The following SIGLEC7 variants were observed in gnomAD, a reference collection of about 807,000 sequenced individuals.
The protein encoded by SIGLEC7 is sialic acid-binding Ig-like lectin 7.
In SIGLEC7, 33 loss-of-function variants were observed where a neutral mutation model predicts 40.8. The ratio of observed to expected loss-of-function variants is 0.81; its 90% CI spans 0.61 to 1.08. The LOEUF (loss-of-function observed/expected upper bound fraction) is 1.08, where lower values mean the gene tolerates loss of function less well. SIGLEC7 is among the 50% of genes least tolerant of loss of function. SIGLEC7 has a pLI of 0.00. For synonymous variants in SIGLEC7, 242 were observed against 237.6 expected (o/e 1.02, Z -0.17); for missense variants, 513 against 576.1 (o/e 0.89, Z 1.12).
intron 6 of SIGLEC7, 147 bp from the exon 7 acceptor site, chr19:51,152,916 C>T (rs974710719): frequency 3.5e-5 from 18 of 521,456 alleles, no homozygotes; most frequent in Non-Finnish European, 2.3e-5. Context: ...ATAAAATGAA[C>T]GTGGGATAGA....
chr19:51,150,992 C>T (rs1177285831), intron 6 of SIGLEC7, among the ~76,000 whole-genome samples: 1 of 152,114 alleles, frequency 6.6e-6, no homozygotes, highest in African/African-American at 2.4e-5. Flanking sequence ...AGCTGTAGAC[C>T]AGAAGAACAT....
At chr19:51,143,644 G>A (rs551195988) in intron 1 of SIGLEC7, among the ~76,000 whole-genome samples, 1 of 152,206 alleles carries the variant, frequency 6.6e-6, no homozygotes, top group East Asian at 1.9e-4. Flanking sequence ...GAGGTCTCCA[G>A]CTCCTCTCCA....
chr19:51,150,948 G>C (rs1185621518), intron 6 of SIGLEC7, among the ~76,000 whole-genome samples: 3 of 152,180 alleles, frequency 2.0e-5, no homozygotes, highest in Non-Finnish European at 4.4e-5. Context: ...AGAAGGACAT[G>C]ATCAGACGAG....
chr19:51,146,635 C>T (rs1298321442), intron 4 of SIGLEC7, 119 bp from the exon 5 acceptor site: 4 of 789,316 alleles, frequency 5.1e-6, no homozygotes, highest in Non-Finnish European at 8.3e-6. Context: ...CCCATTCTTG[C>T]CCTTTGTTTC....
chr19:51,146,255 C>G (rs1179104956), intron 4 of SIGLEC7, 134 bp downstream of exon 4: 1 of 1,183,924 alleles, frequency 8.4e-7, no homozygotes, highest in African/African-American at 1.5e-5. Flanking sequence ...TCCCTGCAAC[C>G]CAGGGCACTG....
At chr19:51,148,080 C>T (rs565544517) in intron 6 of SIGLEC7, among the ~76,000 whole-genome samples, 1 of 152,334 alleles carries the variant, frequency 6.6e-6, no homozygotes, top group African/African-American at 2.4e-5. Context: ...TCTTAAACAT[C>T]TACCTCTCTA....
At chr19:51,148,908 T>C (rs908146558) in intron 6 of SIGLEC7, among the ~76,000 whole-genome samples, 2 of 152,240 alleles carry the variant, frequency 1.3e-5, no homozygotes, top group African/African-American at 4.8e-5. Flanking sequence ...TATTTCATTG[T>C]GGTTCTGATT....
rs574159285 is a variant in SIGLEC7 at position 51,149,036 on chromosome 19, T to C, written c.1221+1719T>C. On this transcript the variant is annotated intron_variant, in intron 6 of 6. Transcript: ENST00000317643. ...GGGTTGTTTTTCTCTTGTAAATTTG[T>C]TTAAGTTCCTTATAGATGCTGGATA... 9.2e-4 allele frequency among the ~76,000 whole-genome samples: 140 copies of C among 152,370 alleles called. 1 individual carries two copies. Among genetic ancestry groups the C allele is most frequent in the African/African-American group, 2.8e-3 (118 of 41,590 alleles).
At chr19:51,148,071 C>T (rs1324335657) in intron 6 of SIGLEC7, among the ~76,000 whole-genome samples, 5 of 152,192 alleles carry the variant, frequency 3.3e-5, no homozygotes, top group African/African-American at 1.2e-4. Context: ...ATTCTCGTCT[C>T]TTAAACATCT....
At position 51,146,105 on chromosome 19, in the gene SIGLEC7, G is replaced by A; in HGVS notation, c.1011G>A (p.Leu337=). The A allele has an allele frequency of 6.2e-7, 1 of 1,614,158 alleles. No homozygotes were observed. Among genetic ancestry groups the A allele is most frequent in the Non-Finnish European group, 8.5e-7 (1 of 1,180,016 alleles). Reference sequence around the variant, plus strand: ...AGCACGTTTCCCTGAACCTCTCCCTGCAACAGGAGTACACAGGTGGGTAAG... The same window carrying A: ...AGCACGTTTCCCTGAACCTCTCCCTACAACAGGAGTACACAGGTGGGTAAG... ...GSQHVSLNLS[L]QQEYTGKMRP... Residue 337 remains leucine (L), a synonymous_variant, in exon 4 of 7, where the codon CTG becomes CTA. Transcript: ENST00000317643.
rs969413380 is a variant in SIGLEC7 at position 51,143,946 on chromosome 19, C to G, written c.434-460C>G. 6 of 471,154 alleles carry G rather than the reference C, an allele frequency of 1.3e-5. No homozygotes were observed. In the Middle Eastern group the frequency reaches 2.1e-3, roughly 166 times the overall value. The allele number at this position is 471,154 out of a possible 1,614,324, so 29.2% of individuals were successfully genotyped here. Reference sequence around the variant, plus strand: ...TAACCCTATTACAACTGAACTGACTCTAGCCCTGTCCATGGATGCTGGTTT... The same window carrying G: ...TAACCCTATTACAACTGAACTGACTGTAGCCCTGTCCATGGATGCTGGTTT... On this transcript the variant is annotated intron_variant, in intron 1 of 6. Coordinates refer to ENST00000317643, the MANE Select transcript of SIGLEC7 (RefSeq NM_014385.4).
chr19:51,143,492 G>A (rs1049802543), intron 1 of SIGLEC7, among the ~76,000 whole-genome samples: 2 of 152,160 alleles, frequency 1.3e-5, no homozygotes, highest in Admixed American at 6.5e-5. Context: ...AGGGAAGCCC[G>A]GAGGTAGGAG....
chr19:51,152,061 C>T (rs1437675793), intron 6 of SIGLEC7, among the ~76,000 whole-genome samples: 2 of 152,184 alleles, frequency 1.3e-5, no homozygotes, highest in Non-Finnish European at 2.9e-5. Flanking sequence ...AAGGTCACAA[C>T]CCCAAAATGG....
At chr19:51,149,425 C>CT (rs1004961148) in intron 6 of SIGLEC7, among the ~76,000 whole-genome samples, 6 of 152,026 alleles carry the variant, frequency 3.9e-5, no homozygotes, top group East Asian at 1.9e-4. Context: ...TTCCCCATTG[C>CT]TTTTTTTTGT....
In SIGLEC7 at chr19:51,144,650, G is replaced by A; in HGVS notation, c.678G>A (p.Val226=). Residue 226 remains valine, a synonymous_variant, in exon 2 of 7, where the codon GTG becomes GTA. Transcript: ENST00000317643. ...AGGTGACCTTGCCTGGGGCCGGCGT[G>A]ACCACGAACAGGACCATCCAACTCA... The part of the protein sequence containing the change: ...TCQVTLPGAG[V]TTNRTIQLNV... The A allele has an allele frequency of 1.2e-6, 2 of 1,613,828 alleles. No homozygotes were observed. The highest frequency in any genetic ancestry group is 1.7e-6 in the Non-Finnish European group (2 of 1,179,998).
chr19:51,142,835 A>C lies in SIGLEC7; in HGVS notation c.433+33A>C, dbSNP rs764730905. ...ACGGGCTCCAAGAGAGGCCAAAGGC[A>C]AATGTGATGAGGGCTTTAGGGCACG... On this transcript the variant is annotated intron_variant, in intron 1 of 6. Coordinates refer to ENST00000317643, the MANE Select transcript of SIGLEC7 (RefSeq NM_014385.4). This position sits in a 1 kb window ranked among gnomAD's most constrained non-coding sequence, Gnocchi z 5.0. The C allele has an allele frequency of 6.4e-7, 1 of 1,556,376 alleles. No homozygotes were observed. The highest frequency in any genetic ancestry group is 1.8e-5 in the Admixed American group (1 of 54,702).
chr19:51,152,484 G>A (rs75605655), intron 6 of SIGLEC7, among the ~76,000 whole-genome samples: 3,804 of 152,198 alleles, frequency 0.025, 167 homozygotes, highest in African/African-American at 0.087. Flanking sequence ...CCATACCACC[G>A]AACTGTGAGC....
chr19:51,144,707 C>T (rs1445112957), intron 2 of SIGLEC7, 23 bp downstream of exon 2: 1 of 1,608,562 alleles, frequency 6.2e-7, no homozygotes, highest in African/African-American at 1.3e-5. Context: ...CCAGGACGCC[C>T]TGGTCCCTGA....
rs1203263986 is a variant in SIGLEC7, at chr19:51,144,479, T to C, written c.507T>C (p.Ser169=). 20 of 1,613,726 alleles carry C rather than the reference T, an allele frequency of 1.2e-5. No homozygotes were observed. Among genetic ancestry groups the C allele is most frequent in the Non-Finnish European group, 1.7e-5 (20 of 1,180,028 alleles). ...ESGCFQNLTC[S]VPWACEQGTP... ...GCTGCTTCCAGAATCTGACCTGCTC[T>C]GTGCCCTGGGCCTGTGAGCAGGGGA... Residue 169 remains serine (S), a synonymous_variant, in exon 2 of 7, where the codon TCT becomes TCC. Transcript: ENST00000317643.
Sources: allele counts gnomAD v4.1 joint callset (sites outside exome capture counted in the v4.1 genomes callset), GRCh38; gene constraint gnomAD v4.1.1; non-coding constraint Gnocchi (gnomAD v3.1); transcripts MANE v1.5; gene names NCBI Gene and HGNC (gene_info 2026-07-23, HGNC 2026-07-21).